ERBB4: variants seen among roughly 807,000 people sequenced by gnomAD.
The protein encoded by ERBB4 is erb-b2 receptor tyrosine kinase 4.
In ERBB4, 42 loss-of-function variants were observed where a neutral mutation model predicts 158.0. The ratio of observed to expected loss-of-function variants is 0.27; its 90% CI spans 0.21 to 0.34. ERBB4 has a LOEUF of 0.34. Ranked by LOEUF, ERBB4 falls within the 10% of genes least tolerant of loss-of-function variation. The probability of loss-of-function intolerance (pLI) is 1.00; values close to 1 mark genes in which losing one functional copy is unlikely to be tolerated. For synonymous variants in ERBB4, 583 were observed against 558.7 expected, an observed-to-expected ratio of 1.04 and a Z score of -0.61; for missense variants, 1,333 against 1,624.1, an observed-to-expected ratio of 0.82 and a Z score of 3.08.
At position 211,808,018 on chromosome 2, in the gene ERBB4, G is replaced by C. The variant is rs992674948; in HGVS notation, c.422-19859C>G. ...TTGTTTAAGTTCTTTGTAGATTCTG[G>C]ATATTAGCCCTTTGTCAGATGGATA... On this transcript the variant is annotated intron_variant, in intron 3 of 27. Coordinates refer to ENST00000342788, the MANE Select transcript of ERBB4 (RefSeq NM_005235.3). Among the ~76,000 whole-genome samples the C allele has an allele frequency of 3.9e-5, 6 of 152,152 alleles. No homozygotes were observed. The East Asian group carries it at 7.7e-4, about 20-fold the overall frequency.
At chr2:212,535,642 A>G (rs1194707141) in intron 1 of ERBB4, among the ~76,000 whole-genome samples, 1 of 152,200 alleles carries the variant, frequency 6.6e-6, no homozygotes, top group Non-Finnish European at 1.5e-5. Context: ...GAATTTTAGA[A>G]CCATTCCTTT....
At chr2:211,855,741 A>G (rs2077840862) in intron 3 of ERBB4, among the ~76,000 whole-genome samples, 2 of 152,150 alleles carry the variant, frequency 1.3e-5, no homozygotes, top group African/African-American at 4.8e-5. Flanking sequence ...TAGTCCCCCA[A>G]ATTTGATCTT....
intron 1 of ERBB4, among the ~76,000 whole-genome samples, chr2:212,228,334 G>T (rs1003663188): frequency 1.5e-4 from 23 of 152,282 alleles, no homozygotes; most frequent in African/African-American, 5.5e-4. Flanking sequence ...TAGATGATTT[G>T]AGAATTATAA....
At chr2:212,317,646 T>G (rs892286014) in intron 1 of ERBB4, among the ~76,000 whole-genome samples, 1 of 151,626 alleles carries the variant, frequency 6.6e-6, no homozygotes, top group Non-Finnish European at 1.5e-5. Flanking sequence ...CAGAAGTTTC[T>G]AAATAAAGAG....
chr2:211,508,821 T>G (rs2065816998), intron 20 of ERBB4, among the ~76,000 whole-genome samples: 2 of 152,060 alleles, frequency 1.3e-5, no homozygotes, highest in Non-Finnish European at 1.5e-5. Context: ...TCCCAGCTAC[T>G]CAGGAGGCTG....
intron 1 of ERBB4, among the ~76,000 whole-genome samples, chr2:212,325,238 A>G (rs371628629): frequency 6.6e-6 from 1 of 150,732 alleles, no homozygotes; most frequent in South Asian, 2.1e-4. Flanking sequence ...GGAGAGTGAA[A>G]TTCATGAATA....
intron 2 of ERBB4, among the ~76,000 whole-genome samples, chr2:212,048,115 A>G (rs562457692): frequency 6.6e-6 from 1 of 152,306 alleles, no homozygotes; most frequent in East Asian, 1.9e-4. Context: ...AGCTATGACA[A>G]AGGCCTTTGG....
intron 16 of ERBB4, among the ~76,000 whole-genome samples, chr2:211,654,181 A>C (rs911630263): frequency 1.3e-5 from 2 of 152,198 alleles, no homozygotes; most frequent in African/African-American, 2.4e-5. Flanking sequence ...GACACTTGTT[A>C]CTTTCACATC....
chr2:211,383,282 G>GAAAGGA lies in ERBB4; in HGVS notation c.*332_*333insTCCTTT. ...AAAAGAAGAGGAAGAAAGAAACAAA[G>GAAAGGA]AAAGAAAAAGAAAAAGAAAAAAAGT... On this transcript the variant is annotated 3_prime_UTR_variant, in exon 28 of 28. Coordinates refer to ENST00000342788, the MANE Select transcript of ERBB4 (RefSeq NM_005235.3). 3.8e-6 allele frequency: 1 copy of GAAAGGA among 262,810 alleles called. No individual in the cohort carries two copies. Among genetic ancestry groups the GAAAGGA allele is most frequent in the Non-Finnish European group, 7.2e-6 (1 of 138,942 alleles). 16.3% of individuals were successfully genotyped at this position (262,810 alleles called of 1,614,324 possible). A position where few individuals can be genotyped will look rare whatever the true frequency, so the allele number is the denominator to read the frequency against.
intron 1 of ERBB4, among the ~76,000 whole-genome samples, chr2:212,216,270 A>C (rs112348002): frequency 6.6e-6 from 1 of 151,286 alleles, no homozygotes; most frequent in Non-Finnish European, 1.5e-5. Context: ...ATTAGTATTC[A>C]CTTCCTATTT....
chr2:211,878,072 C>T (rs2078557679), intron 3 of ERBB4, among the ~76,000 whole-genome samples: 1 of 152,184 alleles, frequency 6.6e-6, no homozygotes. Flanking sequence ...CACGCCACTG[C>T]CCTCCGGCCT....
At chr2:211,757,214 C>A (rs1400872293) in intron 4 of ERBB4, among the ~76,000 whole-genome samples, 2 of 152,112 alleles carry the variant, frequency 1.3e-5, no homozygotes, top group Non-Finnish European at 2.9e-5. Context: ...TTATTCCAGT[C>A]TCAATTCAAT....
chr2:212,031,555 G>C (rs185547767), intron 2 of ERBB4, among the ~76,000 whole-genome samples: 88 of 152,218 alleles, frequency 5.8e-4, no homozygotes, highest in African/African-American at 2.1e-3. Context: ...ATTTAGATTT[G>C]TAAACAATCA....
At chr2:211,679,831 TACCAC>T (rs1158918761) in intron 12 of ERBB4, among the ~76,000 whole-genome samples, 7 of 152,040 alleles carry the variant, frequency 4.6e-5, no homozygotes, top group Non-Finnish European at 1.0e-4. Context: ...AGGCTCACAC[TACCAC>T]GCCCAGATAA....
At chr2:212,065,904 A>G (rs111475760) in intron 2 of ERBB4, among the ~76,000 whole-genome samples, 1,968 of 152,124 alleles carry the variant, frequency 0.013, 20 homozygotes, top group Middle Eastern at 0.027. Flanking sequence ...AGGTGCCTGT[A>G]ACAATTGTAG....
intron 19 of ERBB4, among the ~76,000 whole-genome samples, chr2:211,571,686 G>A (rs2067733994): frequency 1.3e-5 from 2 of 152,110 alleles, no homozygotes; most frequent in African/African-American, 4.8e-5. Flanking sequence ...AGTAATGTGA[G>A]TCAGTCATAT....
chr2:211,940,864 CT>C (rs112555432), intron 3 of ERBB4, among the ~76,000 whole-genome samples: 1,646 of 152,192 alleles, frequency 0.011, 34 homozygotes, highest in African/African-American at 0.037. Context: ...TCATTCAGTT[CT>C]ATAAATCCAC....
intron 3 of ERBB4, among the ~76,000 whole-genome samples, chr2:211,796,617 G>A (rs2076388280): frequency 6.6e-6 from 1 of 151,774 alleles, no homozygotes; most frequent in Non-Finnish European, 1.5e-5. Context: ...TGGTTTTGTT[G>A]TATTTCATTG....
chr2:211,713,351 ACT>A lies in ERBB4; in HGVS notation c.997+182_997+183del, dbSNP rs143840453. 8.2e-4 allele frequency among the ~76,000 whole-genome samples: 125 copies of A among 152,250 alleles called. 1 individual carries two copies. Among genetic ancestry groups the A allele is most frequent in the Non-Finnish European group, 1.4e-3 (98 of 67,990 alleles). ...GGCCATTTTAGTAGATAAAATTCAA[ACT>A]CAATAATATACAGTGCTATAAAAGT... On this transcript the variant is annotated intron_variant, in intron 8 of 27. Transcript: ENST00000342788.
Sources: allele counts gnomAD v4.1 joint callset (sites outside exome capture counted in the v4.1 genomes callset), GRCh38; gene constraint gnomAD v4.1.1; transcripts MANE v1.5; gene names NCBI Gene and HGNC (gene_info 2026-07-23, HGNC 2026-07-21).